Variants in DPP10 observed in about 807,000 individuals in gnomAD.
DPP10 encodes dipeptidyl peptidase like 10.
A neutral mutation model predicts 120.9 loss-of-function variants in DPP10; 33 were observed. That is an observed-to-expected ratio of 0.27 (90% CI 0.21 to 0.37). The LOEUF (loss-of-function observed/expected upper bound fraction) is 0.37, where lower values mean the gene tolerates loss of function less well. Ranked by LOEUF, DPP10 falls within the 10% of genes least tolerant of loss-of-function variation. DPP10 has a pLI of 1.00. For synonymous variants in DPP10, 337 were observed against 326.1 expected, an observed-to-expected ratio of 1.03 and a Z score of -0.36; for missense variants, 816 against 942.8, an observed-to-expected ratio of 0.87 and a Z score of 1.76.
At chr2:115,009,599 A>G (rs1053842080) in intron 1 of DPP10, among the ~76,000 whole-genome samples, 7 of 151,508 alleles carry the variant, frequency 4.6e-5, no homozygotes, top group African/African-American at 1.5e-4. Flanking sequence ...AAAAAAAAAA[A>G]GAAAAGACAA....
At chr2:114,770,942 G>T (rs906458087) in intron 1 of DPP10, among the ~76,000 whole-genome samples, 3 of 149,828 alleles carry the variant, frequency 2.0e-5, no homozygotes, top group African/African-American at 7.3e-5. Context: ...AATCAAATGG[G>T]AAAAAACGAC....
chr2:114,498,195 C>T (rs1265650588), intron 1 of DPP10, among the ~76,000 whole-genome samples: 1 of 152,186 alleles, frequency 6.6e-6, no homozygotes, highest in Non-Finnish European at 1.5e-5. Context: ...AATTTACTCT[C>T]ATTTTGAAAT....
chr2:114,712,434 G>A (rs1224539502), intron 1 of DPP10, among the ~76,000 whole-genome samples: 3 of 152,186 alleles, frequency 2.0e-5, no homozygotes, highest in Admixed American at 6.5e-5. Flanking sequence ...AAGCTCAGAT[G>A]GGCAAATAGC....
intron 1 of DPP10, among the ~76,000 whole-genome samples, chr2:114,650,395 AG>A (rs1696492904): frequency 6.6e-6 from 1 of 152,208 alleles, no homozygotes; most frequent in African/African-American, 2.4e-5. Context: ...GAATGAGTCC[AG>A]GAGATAATTT....
At chr2:115,630,938 C>A (rs925388699) in intron 5 of DPP10, among the ~76,000 whole-genome samples, 1 of 151,784 alleles carries the variant, frequency 6.6e-6, no homozygotes, top group Non-Finnish European at 1.5e-5. Flanking sequence ...AAAGAGAAGT[C>A]CCTCTTTTTC....
rs75468632 is a variant in DPP10 at position 114,951,611 on chromosome 2, T to C, written c.61-357628T>C. On this transcript the variant is annotated intron_variant, in intron 1 of 25. Coordinates refer to ENST00000410059, the MANE Select transcript of DPP10 (RefSeq NM_020868.6). ...GTTTTTTAATAAGAAGAACAGATAT[T>C]TTTAAGCAGTAAAATTAGAATTTTA... Among the ~76,000 whole-genome samples the C allele has an allele frequency of 1.0e-2, 1,522 of 152,272 alleles. 24 individuals are homozygous for C. The highest frequency in any genetic ancestry group is 0.035 in the African/African-American group (1,449 of 41,554).
intron 1 of DPP10, among the ~76,000 whole-genome samples, chr2:114,656,113 T>C (rs1474730096): frequency 3.3e-5 from 5 of 152,186 alleles, no homozygotes; most frequent in Admixed American, 2.6e-4. Context: ...GAAATTCCTC[T>C]GAAAATGAGT....
intron 3 of DPP10, among the ~76,000 whole-genome samples, chr2:115,425,751 T>G (rs2070396209): frequency 1.3e-5 from 2 of 152,130 alleles, no homozygotes; most frequent in Admixed American, 1.3e-4. Context: ...ACTGGGAAAT[T>G]TATAAATAAA....
intron 1 of DPP10, among the ~76,000 whole-genome samples, chr2:115,109,790 T>C (rs1217856370): frequency 2.0e-5 from 3 of 152,194 alleles, no homozygotes; most frequent in African/African-American, 7.2e-5. Flanking sequence ...ATGTGACTGG[T>C]ATCAATTGGA....
intron 3 of DPP10, among the ~76,000 whole-genome samples, chr2:115,386,657 T>G (rs2106517473): frequency 6.6e-6 from 1 of 152,286 alleles, no homozygotes; most frequent in South Asian, 2.1e-4. Context: ...AGAGATTAGC[T>G]TCTATCCTTC....
chr2:115,293,060 G>T (rs1018249550), intron 1 of DPP10, among the ~76,000 whole-genome samples: 11 of 152,054 alleles, frequency 7.2e-5, no homozygotes, highest in South Asian at 2.1e-4. Flanking sequence ...CACATTAAAT[G>T]GTTCCATCTC....
chr2:114,613,669 G>A (rs559900066), intron 1 of DPP10, among the ~76,000 whole-genome samples: 23 of 152,200 alleles, frequency 1.5e-4, no homozygotes, highest in African/African-American at 3.9e-4. Context: ...ACATGCACAC[G>A]TATGTTTATT....
intron 1 of DPP10, among the ~76,000 whole-genome samples, chr2:115,108,890 T>C (rs1334129997): frequency 6.6e-6 from 1 of 151,750 alleles, no homozygotes; most frequent in African/African-American, 2.4e-5. Flanking sequence ...ACTGGTTGAA[T>C]GGAGGTATGG....
chr2:115,005,914 G>A (rs375375117), intron 1 of DPP10, among the ~76,000 whole-genome samples: 1 of 152,088 alleles, frequency 6.6e-6, no homozygotes, highest in East Asian at 1.9e-4. Flanking sequence ...ACACATAATT[G>A]TCAGATTCAC....
intron 5 of DPP10, among the ~76,000 whole-genome samples, chr2:115,589,347 A>C (rs1467561090): frequency 6.6e-6 from 1 of 152,194 alleles, no homozygotes; most frequent in African/African-American, 2.4e-5. Flanking sequence ...AATAAAGAAG[A>C]GAAGTAATGG....
chr2:115,573,473 G>A (rs2421274), intron 5 of DPP10, among the ~76,000 whole-genome samples: 53,926 of 150,748 alleles, frequency 0.36, 10,062 homozygotes, highest in African/African-American at 0.44. Context: ...TAGTAGAGGC[G>A]GGGTTTCACC....
intron 1 of DPP10, among the ~76,000 whole-genome samples, chr2:114,960,254 A>G (rs1381863951): frequency 1.3e-5 from 2 of 152,066 alleles, no homozygotes; most frequent in Non-Finnish European, 2.9e-5. Flanking sequence ...TTGAAAACAA[A>G]GAGATGTTAC....
At chr2:114,846,710 A>G (rs1688574334) in intron 1 of DPP10, among the ~76,000 whole-genome samples, 1 of 152,082 alleles carries the variant, frequency 6.6e-6, no homozygotes, top group Admixed American at 6.6e-5. Flanking sequence ...TTCATCCACC[A>G]TCACATTCTC....
At chr2:115,279,877 G>T (rs893279901) in intron 1 of DPP10, among the ~76,000 whole-genome samples, 2 of 151,668 alleles carry the variant, frequency 1.3e-5, no homozygotes, top group Admixed American at 6.6e-5. Context: ...GACCAGGCTG[G>T]TCTTGAACTC....
Sources: gnomAD v4.1 joint callset for allele counts (sites outside exome capture counted in the v4.1 genomes callset) on GRCh38, gnomAD v4.1.1 for gene constraint, MANE v1.5 for transcripts, NCBI Gene and HGNC (gene_info 2026-07-23, HGNC 2026-07-21) for gene names.